The following UBE2D2 variants were observed in gnomAD, a reference collection of about 807,000 sequenced individuals.
The protein encoded by UBE2D2 is ubiquitin-conjugating enzyme E2 D2.
Under a neutral mutation model 24.2 loss-of-function variants are expected in UBE2D2, and 2 were observed. The observed-to-expected ratio is 0.08, with a 90% CI of 0.03 to 0.26. The LOEUF (loss-of-function observed/expected upper bound fraction) is 0.26, where lower values mean the gene tolerates loss of function less well. UBE2D2 is among the 10% of genes least tolerant of loss of function. UBE2D2 has a pLI of 1.00. For synonymous variants in UBE2D2, 58 were observed against 56.5 expected, an observed-to-expected ratio of 1.03 and a Z score of -0.12; for missense variants, 44 against 177.6, an observed-to-expected ratio of 0.25 and a Z score of 4.28.
At chr5:139,578,435 TG>T (rs1382442176) in intron 1 of UBE2D2, among the ~76,000 whole-genome samples, 28 of 56,864 alleles carry the variant, frequency 4.9e-4, no homozygotes, top group Admixed American at 4.1e-3. Context: ...TTTTGTGTTT[TG>T]TGTGTGTGTG....
At chr5:139,539,728 A>G (rs1752731239) in intron 1 of UBE2D2, among the ~76,000 whole-genome samples, 1 of 151,456 alleles carries the variant, frequency 6.6e-6, no homozygotes, top group Admixed American at 6.6e-5. Flanking sequence ...AGTAGCTGGA[A>G]CTACAAGTGC....
intron 1 of UBE2D2, among the ~76,000 whole-genome samples, chr5:139,573,577 C>G (rs1753399238): frequency 6.6e-6 from 1 of 152,046 alleles, no homozygotes; most frequent in African/African-American, 2.4e-5. Flanking sequence ...GATAGGTCAC[C>G]CTAATTTTTC....
intron 2 of UBE2D2, among the ~76,000 whole-genome samples, chr5:139,610,769 A>G (rs1754301701): frequency 6.6e-6 from 1 of 151,972 alleles, no homozygotes; most frequent in Non-Finnish European, 1.5e-5. Context: ...AGACAGGAGG[A>G]TCATTTAAGC....
At chr5:139,623,699 TG>T (rs1228022860) in intron 6 of UBE2D2, 1 of 361,462 alleles carries the variant, frequency 2.8e-6, no homozygotes, top group East Asian at 4.3e-5. Context: ...TTTTTTTGTT[TG>T]TTTTTTTTTG....
At chr5:139,595,719 AAG>A (rs1561514837) in intron 1 of UBE2D2, among the ~76,000 whole-genome samples, 3 of 152,148 alleles carry the variant, frequency 2.0e-5, no homozygotes, top group Admixed American at 1.3e-4. Context: ...AAAAAAGAAA[AAG>A]AAAATTTTAA....
At position 139,548,193 on chromosome 5, in the gene UBE2D2, A is replaced by AAAAAAAATAAATAAAT; in HGVS notation, c.-64+21584_-64+21585insAAAATAAATAAATAAA. ...AAAAAAAAAAAAAAAATAAAAAAAA[A>AAAAAAAATAAATAAAT]AAATAAATAAATAAATAAATAAACG... On this transcript the variant is annotated intron_variant, in intron 1 of 6. Coordinates refer to the UBE2D2 transcript ENST00000511725. 1.8e-3 allele frequency among the ~76,000 whole-genome samples: 85 copies of AAAAAAAATAAATAAAT among 46,996 alleles called. 1 individual carries two copies. Among genetic ancestry groups the AAAAAAAATAAATAAAT allele is most frequent in the Non-Finnish European group, 2.3e-3 (60 of 26,304 alleles). The allele number at this position is 46,996 out of a possible 152,430, so 30.8% of individuals were successfully genotyped here.
intron 1 of UBE2D2, among the ~76,000 whole-genome samples, chr5:139,533,810 T>C (rs1752628592): frequency 6.9e-6 from 1 of 145,894 alleles, no homozygotes; most frequent in African/African-American, 2.6e-5. Flanking sequence ...TGAGACGGAG[T>C]CTCACTCTGT....
intron 6 of UBE2D2, 85 bp downstream of exon 6, chr5:139,623,546 C>T (rs558008146): frequency 1.5e-5 from 17 of 1,109,132 alleles, no homozygotes; most frequent in South Asian, 1.1e-4. Context: ...GGCTGAATAT[C>T]GGCCAGATAT....
At chr5:139,552,163 C>CTTT (rs374137107) in intron 1 of UBE2D2, among the ~76,000 whole-genome samples, 4 of 142,650 alleles carry the variant, frequency 2.8e-5, no homozygotes, top group African/African-American at 7.7e-5. Context: ...TAATAGCTAA[C>CTTT]TTTTTTTTTT....
intron 1 of UBE2D2, among the ~76,000 whole-genome samples, chr5:139,579,155 A>T (rs529004907): frequency 4.0e-5 from 6 of 150,296 alleles, no homozygotes; most frequent in East Asian, 2.0e-4. Context: ...TTAATTTTTT[A>T]AATTTTTTTG....
Position 139,600,366 on chromosome 5 carries a change from C to A in UBE2D2, c.25-6C>A. ...AATATATTTCTTTTCTTTCTTTTTT[C>A]TGTAGGAATTGAATGATCTGGCACG... On this transcript the variant is annotated splice_region_variant and splice_polypyrimidine_tract_variant and intron_variant, in intron 1 of 6. Coordinates refer to ENST00000398733, the MANE Select transcript of UBE2D2 (RefSeq NM_003339.3). The A allele has an allele frequency of 6.2e-7, 1 of 1,613,574 alleles. No individual in the cohort carries two copies. Among genetic ancestry groups the A allele is most frequent in the Non-Finnish European group, 8.5e-7 (1 of 1,179,850 alleles).
At chr5:139,549,905 A>G (rs1743038215) in intron 1 of UBE2D2, among the ~76,000 whole-genome samples, 1 of 152,214 alleles carries the variant, frequency 6.6e-6, no homozygotes, top group African/African-American at 2.4e-5. Context: ...TGGATGCAGC[A>G]ATCAGCACTC....
chr5:139,563,362 T>A (rs138378258), intron 1 of UBE2D2, among the ~76,000 whole-genome samples: 119 of 152,270 alleles, frequency 7.8e-4, no homozygotes, highest in African/African-American at 2.8e-3. Context: ...AGACAATAAA[T>A]CTTGTACTAA....
intron 1 of UBE2D2, among the ~76,000 whole-genome samples, chr5:139,551,147 C>T (rs1328947553): frequency 2.6e-5 from 4 of 151,998 alleles, no homozygotes; most frequent in African/African-American, 9.7e-5. Context: ...GAGTTCGAGA[C>T]CAGCCTGGCC....
intron 1 of UBE2D2, among the ~76,000 whole-genome samples, chr5:139,598,709 TGCC>T (rs1754008812): frequency 6.7e-6 from 1 of 150,114 alleles, no homozygotes; most frequent in Admixed American, 6.7e-5. Context: ...TACAGGCGTG[TGCC>T]ACCACTCCCA....
intron 1 of UBE2D2, among the ~76,000 whole-genome samples, chr5:139,551,374 C>T (rs975609787): frequency 6.6e-6 from 1 of 152,102 alleles, no homozygotes; most frequent in South Asian, 2.1e-4. Flanking sequence ...AATATTTCTC[C>T]AGGAGAACTC....
At chr5:139,526,745 C>T (rs2126623243) in intron 1 of UBE2D2, 1 of 151,240 alleles carries the variant, frequency 6.6e-6, no homozygotes, top group South Asian at 2.1e-4. Flanking sequence ...GTCTTTGGAA[C>T]TTGCCCCACT....
chr5:139,598,343 A>C (rs541748245), intron 1 of UBE2D2, among the ~76,000 whole-genome samples: 1 of 152,222 alleles, frequency 6.6e-6, no homozygotes, highest in East Asian at 1.9e-4. Flanking sequence ...GTATAATCAA[A>C]ACTAGTTCTT....
Position 139,609,076 on chromosome 5 carries a change from G to T in UBE2D2, c.89-5510G>T, listed in dbSNP as rs550767707. Reference sequence around the variant, plus strand: ...CACTCCAGCCCAGGCGACAGAGCGAGACTCCATCTCAAAAAAAAAAAAATT... The same window carrying T: ...CACTCCAGCCCAGGCGACAGAGCGATACTCCATCTCAAAAAAAAAAAAATT... On this transcript the variant is annotated intron_variant, in intron 2 of 6. Transcript: ENST00000398733. Among the ~76,000 whole-genome samples the T allele has an allele frequency of 3.3e-5, 5 of 150,292 alleles. No homozygotes were observed. In the East Asian group the frequency reaches 9.7e-4, roughly 29 times the overall value.
Sources: allele counts gnomAD v4.1 joint callset (sites outside exome capture counted in the v4.1 genomes callset), GRCh38; gene constraint gnomAD v4.1.1; transcripts MANE v1.5; gene names NCBI Gene and HGNC (gene_info 2026-07-23, HGNC 2026-07-21).